MFSD11: variants seen among roughly 807,000 people sequenced by gnomAD.
MFSD11 encodes the protein major facilitator superfamily domain containing 11.
MFSD11 carries 36 observed loss-of-function variants against 53.5 expected under a neutral mutation model. The observed-to-expected ratio is 0.67, with a 90% CI of 0.52 to 0.89. MFSD11 has a LOEUF of 0.89. Among genes scored for constraint, MFSD11 ranks in the 40% least tolerant of loss-of-function variants. MFSD11 has a pLI of 0.00. For synonymous variants in MFSD11, 186 were observed against 184.9 expected (o/e 1.01, Z -0.05); for missense variants, 530 against 543.9 (o/e 0.97, Z 0.25).
intron 10 of MFSD11, among the ~76,000 whole-genome samples, chr17:76,770,574 A>T (rs2081300727): frequency 6.6e-6 from 1 of 152,152 alleles, no homozygotes; most frequent in Non-Finnish European, 1.5e-5. Context: ...CACAGGTTTA[A>T]GGGTTCAGTC....
At chr17:76,787,484 C>G in the MFSD11 span, among the ~76,000 whole-genome samples, 1 of 149,988 alleles carries the variant, frequency 6.7e-6, no homozygotes, top group Non-Finnish European at 1.5e-5. Flanking sequence ...CTTATTTTCT[C>G]AAACTGAGAG....
At chr17:76,800,230 C>T in the MFSD11 span, among the ~76,000 whole-genome samples, 1 of 152,172 alleles carries the variant, frequency 6.6e-6, no homozygotes, top group Non-Finnish European at 1.5e-5. Context: ...GATGGGATTA[C>T]AAGTGTGAGC....
At chr17:76,794,721 G>T in the MFSD11 span, among the ~76,000 whole-genome samples, 1 of 110,030 alleles carries the variant, frequency 9.1e-6, no homozygotes, top group Non-Finnish European at 1.7e-5. Flanking sequence ...GAGATGGAGT[G>T]TCACTCTGTC....
At chr17:76,755,766 G>GTATATA (rs1382469210) in intron 8 of MFSD11, among the ~76,000 whole-genome samples, 158 of 26,064 alleles carry the variant, frequency 6.1e-3, no homozygotes, top group South Asian at 0.02. Context: ...ATGTATATAT[G>GTATATA]TACGTGTGTG....
In MFSD11 at chr17:76,755,724, GTATATGTATA is replaced by G. The variant is rs202246128; in HGVS notation, c.682+1655_682+1664del. 9.5e-3 allele frequency among the ~76,000 whole-genome samples: 1,245 copies of G among 131,602 alleles called. 10 individuals are homozygous for G. Among genetic ancestry groups the G allele is most frequent in the South Asian group, 0.017 (63 of 3,812 alleles). The allele number at this position is 131,602 out of a possible 152,430, so 86.3% of individuals were successfully genotyped here. ...CATATATATATGTGTATATATATGT[GTATATGTATA>G]TATATGTATATATATGTGTATATGT... On this transcript the variant is annotated intron_variant, in intron 8 of 12. Coordinates refer to ENST00000685175, the MANE Select transcript of MFSD11 (RefSeq NM_001242532.5).
chr17:76,793,785 G>A, the MFSD11 span, among the ~76,000 whole-genome samples: 8 of 151,736 alleles, frequency 5.3e-5, 1 homozygote, highest in East Asian at 5.8e-4. Context: ...TTCACAATCC[G>A]TGTTCTTCTG....
chr17:76,766,800 G>A lies in MFSD11; in HGVS notation c.683-586G>A, dbSNP rs185902473. Among the ~76,000 whole-genome samples the A allele has an allele frequency of 2.0e-5, 3 of 152,314 alleles. No homozygotes were observed. In the East Asian group the frequency reaches 5.8e-4, roughly 29 times the overall value. ...TCCAAAAAAGTCAGTTAAATGTGGA[G>A]TTTTTAGAAATGCATTATCCATTGC... On this transcript the variant is annotated intron_variant, in intron 8 of 12. Transcript: ENST00000685175.
In MFSD11 at chr17:76,778,332, T is replaced by G. The variant is rs1160137544; in HGVS notation, c.1330T>G (p.Ser444Ala). The G allele has an allele frequency of 9.3e-6, 15 of 1,614,206 alleles. No individual in the cohort carries two copies. The highest frequency in any genetic ancestry group is 1.3e-5 in the Non-Finnish European group (15 of 1,180,044). ...AGCTGCCGCCTTTGTAGCCCGCGGC[T>G]CTGACTACCGAAGTATCTGATCTGG... The part of the protein sequence containing the change: ...WEAAAFVARG[S>A]DYRSI The change falls in exon 13 of 13, where the codon TCT (serine) becomes GCT (alanine). Residue 444 changes from serine (S) to alanine (A), a missense_variant. Transcript: ENST00000685175.
intron 12 of MFSD11, among the ~76,000 whole-genome samples, chr17:76,777,597 T>G (rs1037124261): frequency 1.3e-5 from 2 of 152,172 alleles, no homozygotes; most frequent in African/African-American, 4.8e-5. Context: ...TTTTTGCTTT[T>G]GTCTTGTATT....
rs577621945 is a variant in MFSD11 at position 76,764,711 on chromosome 17, A to G, written c.683-2675A>G. On this transcript the variant is annotated intron_variant, in intron 8 of 12. Coordinates refer to ENST00000685175, the MANE Select transcript of MFSD11 (RefSeq NM_001242532.5). ...TACACACACACACACACACATATACATATAATAGTGCTGTAATGAACATGG... is the reference window on the plus strand; with the variant it reads ...TACACACACACACACACACATATACGTATAATAGTGCTGTAATGAACATGG... Among the ~76,000 whole-genome samples, 5 of 152,334 alleles carry G rather than the reference A, an allele frequency of 3.3e-5. No homozygotes were observed. The South Asian group carries it at 1.0e-3, about 32-fold the overall frequency.
chr17:76,748,467 C>T (rs77636536), intron 7 of MFSD11, among the ~76,000 whole-genome samples: 7,789 of 151,650 alleles, frequency 0.051, 620 homozygotes, highest in African/African-American at 0.17. Flanking sequence ...GCAAGAAGAT[C>T]GCTTGAGCCC....
At chr17:76,753,158 C>T (rs1172249701) in intron 7 of MFSD11, 3 of 152,060 alleles carry the variant, frequency 2.0e-5, no homozygotes, top group African/African-American at 7.2e-5. Context: ...GAGTACAGTA[C>T]CTGTCAAAGT....
chr17:76,743,352 A>G lies in MFSD11; in HGVS notation c.438-46A>G, dbSNP rs781333452. On this transcript the variant is annotated intron_variant, in intron 5 of 12. Coordinates refer to ENST00000685175, the MANE Select transcript of MFSD11 (RefSeq NM_001242532.5). ...TAATTATTTTTAAAAAACTATAAAT[A>G]TTAAAATAATTACCCAACATCCTAT... is the stretch of plus-strand genomic sequence containing the variant. The G allele has an allele frequency of 8.3e-6, 10 of 1,208,638 alleles. No individual in the cohort carries two copies. The Middle Eastern group carries it at 5.7e-4, about 69-fold the overall frequency. The allele number at this position is 1,208,638 out of a possible 1,614,324, so 74.9% of individuals were successfully genotyped here.
intron 8 of MFSD11, among the ~76,000 whole-genome samples, chr17:76,763,858 G>T (rs74651963): frequency 6.6e-6 from 1 of 150,566 alleles, no homozygotes; most frequent in South Asian, 2.1e-4. Context: ...GGTACAACAT[G>T]TTTTTGTTTT....
chr17:76,774,944 G>C, intron 10 of MFSD11, 53 bp from the exon 11 acceptor site: 1 of 1,569,970 alleles, frequency 6.4e-7, no homozygotes, highest in Non-Finnish European at 8.7e-7. Context: ...CTCAGGCCTG[G>C]GTATGTGATG....
chr17:76,799,954 CCTT>C, the MFSD11 span, among the ~76,000 whole-genome samples: 1 of 87,288 alleles, frequency 1.1e-5, no homozygotes, highest in Non-Finnish European at 2.6e-5. Flanking sequence ...TTTTCTTTTT[CCTT>C]TTTTTTTTTT....
chr17:76,750,037 C>T (rs546124097), intron 7 of MFSD11, among the ~76,000 whole-genome samples: 1 of 152,120 alleles, frequency 6.6e-6, no homozygotes, highest in Non-Finnish European at 1.5e-5. Context: ...TGGCTTTTAC[C>T]TGGAGTGGGA....
chr17:76,737,565 G>A (rs1319413669), upstream of MFSD11: 1 of 247,908 alleles, frequency 4.0e-6, no homozygotes, highest in Non-Finnish European at 7.8e-6. Flanking sequence ...GAAAGCCCGC[G>A]AAACGCTTTT....
the MFSD11 span, among the ~76,000 whole-genome samples, chr17:76,789,686 TC>T: frequency 6.7e-6 from 1 of 149,912 alleles, no homozygotes; most frequent in African/African-American, 2.4e-5. Context: ...AGGGGCCCTC[TC>T]CTGCCCTGCT....
Sources: allele counts gnomAD v4.1 joint callset (sites outside exome capture counted in the v4.1 genomes callset), GRCh38; gene constraint gnomAD v4.1.1; transcripts MANE v1.5; gene names NCBI Gene and HGNC (gene_info 2026-07-23, HGNC 2026-07-21).